Variants in ZNF385D observed in about 807,000 individuals in gnomAD.
The protein encoded by ZNF385D is zinc finger protein 385D.
In ZNF385D, 15 loss-of-function variants were observed where a neutral mutation model predicts 35.8. The observed-to-expected ratio is 0.42, with a 90% CI of 0.28 to 0.64. ZNF385D has a LOEUF of 0.64. ZNF385D is among the 30% of genes least tolerant of loss of function. The pLI, the probability that ZNF385D is intolerant of heterozygous loss-of-function variation, is 0.23. For synonymous variants in ZNF385D, 212 were observed against 186.8 expected, an observed-to-expected ratio of 1.13 and a Z score of -1.10; for missense variants, 474 against 494.6, an observed-to-expected ratio of 0.96 and a Z score of 0.39.
chr3:21,424,766 T>C (rs1700936224), intron 6 of ZNF385D, among the ~76,000 whole-genome samples: 1 of 146,978 alleles, frequency 6.8e-6, no homozygotes, highest in Non-Finnish European at 1.5e-5. Context: ...TAAACAAAGA[T>C]GCCCAGGGAC....
intron 2 of ZNF385D, among the ~76,000 whole-genome samples, chr3:21,636,076 G>GT (rs1421210793): frequency 1.3e-5 from 2 of 151,854 alleles, no homozygotes; most frequent in African/African-American, 4.8e-5. Context: ...TAGATACCCA[G>GT]TCATGGATTG....
At chr3:22,176,125 C>T (rs982408234) in intron 2 of ZNF385D, among the ~76,000 whole-genome samples, 1 of 151,188 alleles carries the variant, frequency 6.6e-6, no homozygotes, top group Non-Finnish European at 1.5e-5. Context: ...ATTCCCAAGA[C>T]ATAAAAATGG....
intron 2 of ZNF385D, among the ~76,000 whole-genome samples, chr3:22,302,348 ATATGCTTTT>A (rs1702946991): frequency 6.6e-6 from 1 of 151,600 alleles, no homozygotes; most frequent in Non-Finnish European, 1.5e-5. Context: ...TGTGATTTTA[ATATGCTTTT>A]CTATCAATGA....
intron 1 of ZNF385D, among the ~76,000 whole-genome samples, chr3:21,733,210 A>G (rs1352586004): frequency 6.6e-6 from 1 of 151,956 alleles, no homozygotes; most frequent in Admixed American, 6.6e-5. Context: ...ACATCAGTCT[A>G]TTTCTGAACT....
intron 2 of ZNF385D, among the ~76,000 whole-genome samples, chr3:22,270,695 G>C (rs1442148809): frequency 6.6e-6 from 1 of 151,930 alleles, no homozygotes; most frequent in Admixed American, 6.6e-5. Context: ...TAATAACCTA[G>C]ATGATTTGTG....
At chr3:21,513,957 T>C (rs151032570) in intron 3 of ZNF385D, among the ~76,000 whole-genome samples, 52 of 152,238 alleles carry the variant, frequency 3.4e-4, no homozygotes, top group African/African-American at 1.2e-3. Context: ...TAGATGCAGA[T>C]AGACAAATAG....
chr3:22,336,924 A>AAAAAAAAAAAAC (rs1575145929), intron 2 of ZNF385D, among the ~76,000 whole-genome samples: 4 of 146,094 alleles, frequency 2.7e-5, no homozygotes, highest in East Asian at 2.0e-4. Context: ...AAAAAAAAAA[A>AAAAAAAAAAAAC]AAAAAAAAAA....
In ZNF385D at chr3:21,413,619, GGT is replaced by G. The variant is rs1700522474; in HGVS notation, c.*7593_*7594del. On this transcript the variant is annotated 3_prime_UTR_variant, in exon 8 of 8. Coordinates refer to ENST00000281523, the MANE Select transcript of ZNF385D (RefSeq NM_024697.3). ...AGAGATTGATATTAGATAAAACCCT[GGT>G]TATATTTTTTAAGCCATAAGAATAT... is the stretch of plus-strand genomic sequence containing the variant. 6.6e-6 allele frequency: 1 copy of G among 151,922 alleles called. No homozygotes were observed. Among genetic ancestry groups the G allele is most frequent in the Admixed American group, 6.6e-5 (1 of 15,222 alleles). The allele number at this position is 151,922 out of a possible 1,614,324, so 9.4% of individuals were successfully genotyped here.
chr3:21,456,947 CT>C (rs1158714921), intron 4 of ZNF385D, among the ~76,000 whole-genome samples: 1 of 152,048 alleles, frequency 6.6e-6, no homozygotes, highest in Non-Finnish European at 1.5e-5. Flanking sequence ...CCTTTTTCTT[CT>C]CCATTGCAGT....
At chr3:21,483,515 C>G (rs1404356780) in intron 4 of ZNF385D, among the ~76,000 whole-genome samples, 1 of 152,118 alleles carries the variant, frequency 6.6e-6, no homozygotes, top group Admixed American at 6.6e-5. Context: ...AAGAAAATGC[C>G]AAATTCTTTC....
chr3:21,782,252 C>T (rs946852517), intron 3 of ZNF385D, among the ~76,000 whole-genome samples: 1 of 152,060 alleles, frequency 6.6e-6, no homozygotes, highest in Non-Finnish European at 1.5e-5. Context: ...TTAGTAGTGC[C>T]GGCCAAGTGG....
intron 3 of ZNF385D, among the ~76,000 whole-genome samples, chr3:22,061,349 C>T (rs1699677477): frequency 6.6e-6 from 1 of 152,138 alleles, no homozygotes; most frequent in African/African-American, 2.4e-5. Context: ...TTAGTCCCCC[C>T]ATTTCTTTCT....
chr3:22,159,057 G>A (rs1490353104), intron 3 of ZNF385D, among the ~76,000 whole-genome samples: 1 of 151,876 alleles, frequency 6.6e-6, no homozygotes, highest in African/African-American at 2.4e-5. Context: ...CGGTGGACGT[G>A]ATTAGTAACT....
chr3:21,888,126 G>C (rs1446947986), intron 3 of ZNF385D, among the ~76,000 whole-genome samples: 1 of 151,594 alleles, frequency 6.6e-6, no homozygotes, highest in East Asian at 1.9e-4. Flanking sequence ...TTAAATTCTA[G>C]TTAATTATTC....
At chr3:22,143,354 G>T (rs1451535220) in intron 3 of ZNF385D, among the ~76,000 whole-genome samples, 1 of 152,054 alleles carries the variant, frequency 6.6e-6, no homozygotes, top group Admixed American at 6.6e-5. Context: ...AAAGCGCTAG[G>T]ATTACAGGCA....
At position 21,988,220 on chromosome 3, in the gene ZNF385D, G is replaced by C. The variant is rs1163554173; in HGVS notation, c.325+180597C>G. On this transcript the variant is annotated intron_variant, in intron 3 of 5. Coordinates refer to the ZNF385D transcript ENST00000494108. ...TGTTCCGTTGCTGGTGAGGAACTGC[G>C]TTCCTTTGGAGGAGGAGAGGCGCTC... Among the ~76,000 whole-genome samples, 38 of 127,680 alleles carry C rather than the reference G, an allele frequency of 3.0e-4. 4 individuals are homozygous for C. The highest frequency in any genetic ancestry group is 9.6e-4 in the Admixed American group (13 of 13,538). The allele number at this position is 127,680 out of a possible 152,430, so 83.8% of individuals were successfully genotyped here.
chr3:21,626,204 C>T (rs1032430503), intron 2 of ZNF385D, among the ~76,000 whole-genome samples: 3 of 151,976 alleles, frequency 2.0e-5, no homozygotes, highest in Non-Finnish European at 4.4e-5. Flanking sequence ...ATGTCAGAGG[C>T]AGAGGTTGTA....
chr3:21,456,090 A>G (rs1488569935), intron 4 of ZNF385D, among the ~76,000 whole-genome samples: 4 of 152,114 alleles, frequency 2.6e-5, no homozygotes, highest in Admixed American at 6.6e-5. Context: ...GAAACAACAG[A>G]TGCTGGAGAG....
chr3:21,484,010 AG>A (rs34986114), intron 4 of ZNF385D, among the ~76,000 whole-genome samples: 1 of 152,294 alleles, frequency 6.6e-6, no homozygotes, highest in East Asian at 1.9e-4. Flanking sequence ...TAATTTGGAC[AG>A]GGGAAATTTA....
Sources: allele counts gnomAD v4.1 joint callset (sites outside exome capture counted in the v4.1 genomes callset), GRCh38; gene constraint gnomAD v4.1.1; transcripts MANE v1.5; gene names NCBI Gene and HGNC (gene_info 2026-07-23, HGNC 2026-07-21).